The following ATP13A4 variants were observed in gnomAD, a reference collection of about 807,000 sequenced individuals.
ATP13A4 encodes the protein probable cation-transporting ATPase 13A4.
A neutral mutation model predicts 142.5 loss-of-function variants in ATP13A4; 114 were observed. The ratio of observed to expected loss-of-function variants is 0.80; its 90% CI spans 0.69 to 0.93. The LOEUF is 0.93. Ranked by LOEUF, ATP13A4 falls within the 40% of genes least tolerant of loss-of-function variation. The pLI is 0.00. For missense variants in ATP13A4, 1,392 were observed against 1,454.0 expected, an observed-to-expected ratio of 0.96 and a Z score of 0.69; for synonymous variants, 488 against 514.8, an observed-to-expected ratio of 0.95 and a Z score of 0.70.
chr3:193,440,135 G>A (rs1489930), intron 21 of ATP13A4: 131,734 of 179,398 alleles, frequency 0.73, 48,776 homozygotes, highest in Admixed American at 0.77. Context: ...TTTTAATGTT[G>A]CATGAATCTC....
intron 2 of ATP13A4, among the ~76,000 whole-genome samples, chr3:193,573,587 T>C (rs572852532): frequency 6.6e-6 from 1 of 152,082 alleles, no homozygotes; most frequent in South Asian, 2.1e-4. Context: ...AATCACAGTA[T>C]AGTTTTTCTC....
At chr3:193,520,745 G>T (rs1439176381) in intron 1 of ATP13A4, among the ~76,000 whole-genome samples, 1 of 152,166 alleles carries the variant, frequency 6.6e-6, no homozygotes, top group East Asian at 1.9e-4. Context: ...AATGACTACT[G>T]GCATGCAGCT....
At chr3:193,425,066 A>G (rs1357245242) in intron 25 of ATP13A4, among the ~76,000 whole-genome samples, 1 of 137,622 alleles carries the variant, frequency 7.3e-6, no homozygotes, top group African/African-American at 2.7e-5. Flanking sequence ...CTCCAAAAAA[A>G]CCATAGAAAT....
chr3:193,560,133 G>C (rs539310111), intron 2 of ATP13A4, among the ~76,000 whole-genome samples: 2 of 152,136 alleles, frequency 1.3e-5, no homozygotes, highest in African/African-American at 4.8e-5. Flanking sequence ...GTAACGATTT[G>C]TCCAAGATCA....
At chr3:193,418,153 A>G (rs1180483522) in intron 25 of ATP13A4, among the ~76,000 whole-genome samples, 3 of 100,924 alleles carry the variant, frequency 3.0e-5, no homozygotes, top group African/African-American at 1.2e-4. Context: ...AAAAAAAAAA[A>G]AAAAAAAAAA....
intron 3 of ATP13A4, among the ~76,000 whole-genome samples, chr3:193,497,403 A>G (rs1230674129): frequency 6.6e-6 from 1 of 152,208 alleles, no homozygotes; most frequent in African/African-American, 2.4e-5. Context: ...CTATTATCAA[A>G]AGACAAAAAA....
chr3:193,417,816 T>A (rs1430765572), intron 25 of ATP13A4, among the ~76,000 whole-genome samples: 22 of 144,766 alleles, frequency 1.5e-4, no homozygotes, highest in African/African-American at 5.7e-4. Flanking sequence ...AAACCCCGTC[T>A]CTACTAAAAA....
chr3:193,507,525 C>CA (rs367675291), intron 2 of ATP13A4, among the ~76,000 whole-genome samples: 4,859 of 149,044 alleles, frequency 0.033, 94 homozygotes, highest in Non-Finnish European at 0.039. Flanking sequence ...ATATGTTGTC[C>CA]AAAAAAAAAG....
intron 9 of ATP13A4, 114 bp downstream of exon 9, chr3:193,470,745 A>G (rs1718569729): frequency 6.8e-7 from 1 of 1,480,700 alleles, no homozygotes; most frequent in Non-Finnish European, 9.4e-7. Context: ...CATAGCAGCC[A>G]GTGCTTTACA....
intron 2 of ATP13A4, among the ~76,000 whole-genome samples, chr3:193,562,766 G>A (rs1234069715): frequency 6.6e-6 from 1 of 152,182 alleles, no homozygotes; most frequent in African/African-American, 2.4e-5. Context: ...AGCTACTCGG[G>A]AGGCTGAGGC....
rs1720025793 is a variant in ATP13A4, at chr3:193,492,990, C to T, written c.460G>A (p.Glu154Lys). The T allele has an allele frequency of 1.2e-6, 2 of 1,609,500 alleles. No homozygotes were observed. The highest frequency in any genetic ancestry group is 1.7e-6 in the Non-Finnish European group (2 of 1,176,700). The change falls in exon 5 of 30, where the codon GAA (glutamate) becomes AAA (lysine). Residue 154 changes from glutamate to lysine, a missense_variant. Glu to Lys is a moderately conservative substitution (Grantham distance 56). Coordinates refer to ENST00000342695, the MANE Select transcript of ATP13A4 (RefSeq NM_032279.4). ...EGQFQKIGSLEDWLSSAKIHQ... is the reference protein window; with the variant it reads ...EGQFQKIGSLKDWLSSAKIHQ... Reference sequence around the variant, plus strand: ...ATCTTGGCAGAACTAAGCCAGTCTTCCAAAGAACTAAAATAATAATAATGA... The same window carrying T: ...ATCTTGGCAGAACTAAGCCAGTCTTTCAAAGAACTAAAATAATAATAATGA...
At chr3:193,557,563 T>C (rs1244833914), upstream of ATP13A4, among the ~76,000 whole-genome samples, 2 of 152,228 alleles carry the variant, frequency 1.3e-5, no homozygotes, top group Non-Finnish European at 2.9e-5. Flanking sequence ...GTCATTCTTA[T>C]TTGACAGACA....
chr3:193,434,033 G>C, intron 24 of ATP13A4, 116 bp from the exon 25 acceptor site: 3 of 881,570 alleles, frequency 3.4e-6, no homozygotes, highest in Non-Finnish European at 5.6e-6. Context: ...TTACTGTGGA[G>C]ATGCTGTGTT....
intron 25 of ATP13A4, among the ~76,000 whole-genome samples, chr3:193,417,699 A>ACAAAAAATAATAAATATTAGTGAGAATGT (rs1576939674): frequency 1.9e-4 from 26 of 137,914 alleles, no homozygotes; most frequent in East Asian, 1.7e-3. Context: ...GACAAAAAAG[A>ACAAAAAATAATAAATATTAGTGAGAATGT]AATTGGCCAG....
chr3:193,425,059 CA>C (rs1293701808), intron 25 of ATP13A4, among the ~76,000 whole-genome samples: 5 of 137,016 alleles, frequency 3.6e-5, no homozygotes, highest in Admixed American at 2.6e-4. Context: ...GACATTTCTC[CA>C]AAAAAACCAT....
At chr3:193,469,062 G>A (rs1718465261) in intron 9 of ATP13A4, among the ~76,000 whole-genome samples, 1 of 152,142 alleles carries the variant, frequency 6.6e-6, no homozygotes, top group African/African-American at 2.4e-5. Context: ...TGAGGTTATG[G>A]ATGATAATTA....
intron 2 of ATP13A4, among the ~76,000 whole-genome samples, chr3:193,569,645 A>T (rs1724216687): frequency 6.6e-6 from 1 of 151,826 alleles, no homozygotes. Context: ...CTCCCATCTC[A>T]GCCTCCCAAG....
chr3:193,433,819 G>A (rs772079211), intron 25 of ATP13A4, 26 bp downstream of exon 25: 1 of 1,579,694 alleles, frequency 6.3e-7, no homozygotes, highest in Admixed American at 1.7e-5. Flanking sequence ...TAGCACCTCT[G>A]GTAAGAAAGT....
intron 16 of ATP13A4, among the ~76,000 whole-genome samples, chr3:193,455,139 C>A (rs964847595): frequency 2.6e-5 from 4 of 151,900 alleles, no homozygotes; most frequent in South Asian, 2.1e-4. Flanking sequence ...GAAATCGAGA[C>A]CATCCTGGCT....
Sources: allele counts gnomAD v4.1 joint callset (sites outside exome capture counted in the v4.1 genomes callset), GRCh38; gene constraint gnomAD v4.1.1; transcripts MANE v1.5; gene names NCBI Gene and HGNC (gene_info 2026-07-23, HGNC 2026-07-21).